The following UGGT2 variants were observed in gnomAD, a reference collection of about 807,000 sequenced individuals.
UGGT2 encodes the protein UDP-glucose glycoprotein glucosyltransferase 2.
Under a neutral mutation model 192.1 loss-of-function variants are expected in UGGT2, and 180 were observed. The observed-to-expected ratio is 0.94, with a 90% CI of 0.83 to 1.06. The LOEUF (loss-of-function observed/expected upper bound fraction) is 1.06, where lower values mean the gene tolerates loss of function less well. Among genes scored for constraint, UGGT2 ranks in the 50% least tolerant of loss-of-function variants. The pLI is 0.00. For missense variants in UGGT2, 1,849 were observed against 1,795.7 expected (o/e 1.03, Z -0.54); for synonymous variants, 580 against 591.0 (o/e 0.98, Z 0.27).
At chr13:95,860,732 A>G in intron 32 of UGGT2, 56 bp downstream of exon 32, 1 of 1,188,734 alleles carries the variant, frequency 8.4e-7, no homozygotes, top group Non-Finnish European at 1.1e-6. Flanking sequence ...TTTTTTTGAA[A>G]TTTGAACCAT....
chr13:95,824,737 G>A (rs1395281411), intron 38 of UGGT2, among the ~76,000 whole-genome samples: 1 of 152,026 alleles, frequency 6.6e-6, no homozygotes, highest in East Asian at 1.9e-4. Flanking sequence ...ATCTCCTTGA[G>A]TAGTGTAATA....
chr13:95,826,648 T>C (rs80355424), intron 38 of UGGT2, among the ~76,000 whole-genome samples: 244 of 152,150 alleles, frequency 1.6e-3, no homozygotes, highest in African/African-American at 5.4e-3. Flanking sequence ...ACTATATATA[T>C]ATATAAGCTA....
chr13:95,870,858 C>G (rs1331889867), intron 29 of UGGT2, among the ~76,000 whole-genome samples: 2 of 152,166 alleles, frequency 1.3e-5, no homozygotes, highest in Non-Finnish European at 2.9e-5. Context: ...GAGGCTCCAC[C>G]CTCATTGAGT....
chr13:95,986,421 G>A lies in UGGT2; in HGVS notation c.943C>T (p.Gln315Ter). Residue 315 changes from glutamine (Q) to a stop codon, truncating the protein, a stop_gained, in exon 9 of 39, where the codon CAA becomes TAA. Transcript: ENST00000376747. LOFTEE classifies it high-confidence loss of function. ...GCGGACATTATTTGAGAAGCTGCTTGAAAACTAAGATCTGGAAGGAAAAAT... is the reference window on the plus strand; with the variant it reads ...GCGGACATTATTTGAGAAGCTGCTTAAAAACTAAGATCTGGAAGGAAAAAT... Reference protein sequence around the residue: ...KVWELQDLSFQAASQIMSAPV... With the variant: ...KVWELQDLSF The A allele has an allele frequency of 6.3e-7, 1 of 1,595,660 alleles. No individual in the cohort carries two copies. The highest frequency in any genetic ancestry group is 8.6e-7 in the Non-Finnish European group (1 of 1,165,878).
At chr13:95,929,773 C>T (rs1469862164) in intron 17 of UGGT2, among the ~76,000 whole-genome samples, 1 of 152,092 alleles carries the variant, frequency 6.6e-6, no homozygotes, top group Non-Finnish European at 1.5e-5. Flanking sequence ...TTTGGTAGAA[C>T]GATTTATTTT....
rs1037127127 is a variant in UGGT2 at position 95,839,784 on chromosome 13, C to G, written c.4285-2582G>C. The stretch of plus-strand genomic sequence containing the variant: ...ATCATGGTTCCATTTTCTCCATATC[C>G]TTGTCCACTCTTGTTATTGTCAATC... On this transcript the variant is annotated intron_variant, in intron 36 of 38. Coordinates refer to ENST00000376747, the MANE Select transcript of UGGT2 (RefSeq NM_020121.4). 2.6e-5 allele frequency among the ~76,000 whole-genome samples: 4 copies of G among 152,112 alleles called. No individual in the cohort carries two copies. In the East Asian group the frequency reaches 7.7e-4, roughly 29 times the overall value.
chr13:96,016,952 G>A (rs1203428541), intron 4 of UGGT2, among the ~76,000 whole-genome samples: 2 of 152,208 alleles, frequency 1.3e-5, no homozygotes, highest in Non-Finnish European at 2.9e-5. Context: ...AGCCCACCAG[G>A]ATGTACATCA....
intron 36 of UGGT2, among the ~76,000 whole-genome samples, chr13:95,845,423 C>T (rs1323830558): frequency 7.5e-6 from 1 of 133,472 alleles, no homozygotes; most frequent in African/African-American, 2.7e-5. Context: ...ACATCTTGCA[C>T]CGCCCTTAAT....
intron 1 of UGGT2, among the ~76,000 whole-genome samples, chr13:96,033,729 G>A (rs1385406801): frequency 6.6e-6 from 1 of 152,162 alleles, no homozygotes; most frequent in Non-Finnish European, 1.5e-5. Flanking sequence ...GTACATGTTT[G>A]GGGTAGTGCT....
intron 38 of UGGT2, 200 bp downstream of exon 38, chr13:95,832,727 T>G: frequency 1.4e-6 from 1 of 706,394 alleles, no homozygotes; most frequent in Non-Finnish European, 2.5e-6. Flanking sequence ...GCTGAAGCTG[T>G]ATCCATGGGG....
At chr13:95,876,191 A>T (rs1368093580) in intron 29 of UGGT2, among the ~76,000 whole-genome samples, 1 of 152,260 alleles carries the variant, frequency 6.6e-6, no homozygotes, top group Non-Finnish European at 1.5e-5. Context: ...GAAGAACAGG[A>T]AAATTTTTGT....
chr13:96,042,016 C>G lies in UGGT2; in HGVS notation c.159-10045G>C, dbSNP rs112691667. ...CCACTGCCTGATCCTCCCCATACTA[C>G]CACAGCTGATGCTCTATTGAAAAGG... On this transcript the variant is annotated intron_variant, in intron 1 of 38. Coordinates refer to ENST00000376747, the MANE Select transcript of UGGT2 (RefSeq NM_020121.4). Among the ~76,000 whole-genome samples, 94 of 152,238 alleles carry G rather than the reference C, an allele frequency of 6.2e-4. 1 individual carries two copies. Among genetic ancestry groups the G allele is most frequent in the African/African-American group, 1.9e-3 (81 of 41,544 alleles).
At position 95,972,669 on chromosome 13, in the gene UGGT2, A is replaced by C. The variant is rs764857010; in HGVS notation, c.1095T>G (p.Asp365Glu). 1 of 1,612,388 alleles carries C rather than the reference A, an allele frequency of 6.2e-7. No individual in the cohort carries two copies. The highest frequency in any genetic ancestry group is 8.5e-7 in the Non-Finnish European group (1 of 1,178,704). Residue 365 changes from aspartate (D) to glutamate (E), a missense_variant and splice_region_variant, in exon 11 of 39, where the codon GAT becomes GAG. Coordinates refer to ENST00000376747, the MANE Select transcript of UGGT2 (RefSeq NM_020121.4). ...MREEIKENQK[D>E]LQVRFKIQPG... is the part of the protein sequence containing the mutation. ...GCTGAATTTTAAATCTAACTTGAAG[A>C]TCCTTGAAGTAGAGCAAAGCAATAG...
At chr13:95,964,125 G>C (rs2050490689) in intron 12 of UGGT2, among the ~76,000 whole-genome samples, 1 of 152,110 alleles carries the variant, frequency 6.6e-6, no homozygotes, top group Non-Finnish European at 1.5e-5. Context: ...CAGACACACA[G>C]ACCAATGGAA....
chr13:95,973,553 T>C (rs1327620962), intron 10 of UGGT2, among the ~76,000 whole-genome samples: 1 of 152,238 alleles, frequency 6.6e-6, no homozygotes, highest in African/African-American at 2.4e-5. Context: ...AAAGCTATAT[T>C]TGATTTTTCA....
chr13:95,981,080 A>T (rs1264671597), intron 10 of UGGT2, among the ~76,000 whole-genome samples: 1 of 152,132 alleles, frequency 6.6e-6, no homozygotes, highest in Non-Finnish European at 1.5e-5. Context: ...AATGTTTCTT[A>T]TCTCCTCTAC....
rs762239651 is a variant in UGGT2, at chr13:95,936,924, CA to C, written c.1976del (p.Leu659TrpfsTer4). ...ASVYLQREVF[L>X]GTLNDRTNAI... is the part of the protein sequence containing the mutation. ...TATTTTCTTATAAATGCTTACCTACCAAAAAAACTTCTCTTTGTAAATATAC... is the reference window on the plus strand; with the variant it reads ...TATTTTCTTATAAATGCTTACCTACCAAAAAACTTCTCTTTGTAAATATAC... On this transcript the variant is annotated frameshift_variant and splice_region_variant, in exon 17 of 39. Transcript: ENST00000376747. LOFTEE classifies it high-confidence loss of function. The C allele has an allele frequency of 4.6e-6, 7 of 1,509,110 alleles. No individual in the cohort carries two copies. The highest frequency in any genetic ancestry group is 2.4e-5 in the East Asian group (1 of 41,162). The allele number at this position is 1,509,110 out of a possible 1,614,324, so 93.5% of individuals were successfully genotyped here.
At chr13:96,021,637 A>T (rs2052518867) in intron 4 of UGGT2, among the ~76,000 whole-genome samples, 1 of 152,248 alleles carries the variant, frequency 6.6e-6, no homozygotes, top group Non-Finnish European at 1.5e-5. Flanking sequence ...GCAAATTAAG[A>T]TAATCCCACA....
intron 26 of UGGT2, among the ~76,000 whole-genome samples, chr13:95,885,468 A>G (rs1271064762): frequency 3.9e-5 from 6 of 152,236 alleles, no homozygotes; most frequent in Non-Finnish European, 7.3e-5. Context: ...ATGCTTCAAA[A>G]GAGAAGCACA....
Sources: allele counts gnomAD v4.1 joint callset (sites outside exome capture counted in the v4.1 genomes callset), GRCh38; gene constraint gnomAD v4.1.1; transcripts MANE v1.5; gene names NCBI Gene and HGNC (gene_info 2026-07-23, HGNC 2026-07-21).